PCLO: variants seen among roughly 807,000 people sequenced by gnomAD.
PCLO encodes piccolo presynaptic cytomatrix protein, also known as protein piccolo.
In PCLO, 82 loss-of-function variants were observed where a neutral mutation model predicts 427.5. The ratio of observed to expected loss-of-function variants is 0.19; its 90% confidence interval spans 0.16 to 0.23. The LOEUF is 0.23. Ranked by LOEUF, PCLO falls within the 10% of genes least tolerant of loss-of-function variation. The pLI is 1.00. For synonymous variants in PCLO, 2,357 were observed against 2,155.4 expected (o/e 1.09, Z -2.59); for missense variants, 6,239 against 6,115.9 (o/e 1.02, Z -0.67).
chr7:83,054,544 A>G (rs1326120924), intron 3 of PCLO, among the ~76,000 whole-genome samples: 1 of 152,076 alleles, frequency 6.6e-6, no homozygotes, highest in Non-Finnish European at 1.5e-5. Context: ...AACTAAAATT[A>G]TAAAGATATT....
chr7:83,040,714 A>T (rs1788953008), intron 3 of PCLO, among the ~76,000 whole-genome samples: 1 of 151,964 alleles, frequency 6.6e-6, no homozygotes, highest in African/African-American at 2.4e-5. Flanking sequence ...TTTAGGCTGA[A>T]CTTCTCCATA....
At chr7:82,820,513 A>T in intron 20 of PCLO, 1 of 1,220,482 alleles carries the variant, frequency 8.2e-7, no homozygotes, top group Non-Finnish European at 1.0e-6. Flanking sequence ...TTTATTACAC[A>T]GGCACTTGGA....
chr7:83,018,478 T>C (rs958146676), intron 3 of PCLO, among the ~76,000 whole-genome samples: 2 of 152,002 alleles, frequency 1.3e-5, no homozygotes, highest in African/African-American at 2.4e-5. Flanking sequence ...TATAGAGAGC[T>C]AAAATAATAT....
At chr7:83,054,319 A>G (rs1306931866) in intron 3 of PCLO, among the ~76,000 whole-genome samples, 1 of 152,082 alleles carries the variant, frequency 6.6e-6, no homozygotes, top group East Asian at 1.9e-4. Context: ...CTAATTCAGT[A>G]TGCCTTAATA....
chr7:82,945,363 T>A (rs2116399406), intron 6 of PCLO, among the ~76,000 whole-genome samples: 1 of 152,074 alleles, frequency 6.6e-6, no homozygotes, highest in East Asian at 1.9e-4. Flanking sequence ...TACAATATAG[T>A]GCTTGGATAT....
At chr7:83,061,412 G>C (rs1789540371) in intron 3 of PCLO, among the ~76,000 whole-genome samples, 1 of 152,104 alleles carries the variant, frequency 6.6e-6, no homozygotes, top group Non-Finnish European at 1.5e-5. Flanking sequence ...AATCTTTAAA[G>C]TCCACTAACT....
intron 3 of PCLO, among the ~76,000 whole-genome samples, chr7:83,075,887 T>C (rs987225784): frequency 6.6e-6 from 1 of 152,128 alleles, no homozygotes; most frequent in African/African-American, 2.4e-5. Flanking sequence ...TACCAGGAAA[T>C]AGGAGGTAGA....
chr7:82,992,529 C>T (rs1000513337), intron 3 of PCLO, among the ~76,000 whole-genome samples: 9 of 152,028 alleles, frequency 5.9e-5, no homozygotes, highest in Non-Finnish European at 1.3e-4. Context: ...ATTGATGCCT[C>T]ATAGTTCAAC....
At chr7:82,865,991 G>T (rs1391715485) in intron 10 of PCLO, among the ~76,000 whole-genome samples, 1 of 152,012 alleles carries the variant, frequency 6.6e-6, no homozygotes, top group Admixed American at 6.6e-5. Flanking sequence ...CCTTACAATG[G>T]CCTGCAAGAT....
intron 22 of PCLO, among the ~76,000 whole-genome samples, chr7:82,790,689 T>C (rs894774521): frequency 2.0e-5 from 3 of 152,218 alleles, no homozygotes; most frequent in African/African-American, 7.2e-5. Context: ...ACTGCATTAA[T>C]AATCTTCTGT....
rs1554333552 is a variant in PCLO, at chr7:82,794,459, C to CTGTTTTTTTTTTT, written c.15007+7058_15007+7059insAAAAAAAAAAACA. 8.1e-3 allele frequency among the ~76,000 whole-genome samples: 458 copies of CTGTTTTTTTTTTT among 56,374 alleles called. 101 individuals are homozygous for CTGTTTTTTTTTTT. The highest frequency in any genetic ancestry group is 0.019 in the Middle Eastern group (1 of 54). The allele number at this position is 56,374 out of a possible 152,430, so 37.0% of individuals were successfully genotyped here. ...ACATGCTAGTTCATAAATTTTTTTT[C>CTGTTTTTTTTTTT]TTTTTTTTTTTTTTTTTTTTTTTTT... On this transcript the variant is annotated intron_variant, in intron 22 of 24. Coordinates refer to ENST00000333891, the MANE Select transcript of PCLO (RefSeq NM_033026.6).
chr7:83,025,674 G>A (rs868298193), intron 3 of PCLO, among the ~76,000 whole-genome samples: 3,118 of 151,376 alleles, frequency 0.021, 101 homozygotes, highest in African/African-American at 0.071. Flanking sequence ...AAGTTGAAAT[G>A]AAGGAAAAAA....
intron 3 of PCLO, among the ~76,000 whole-genome samples, chr7:83,120,364 G>A (rs930354428): frequency 1.4e-5 from 2 of 138,502 alleles, no homozygotes; most frequent in Non-Finnish European, 3.0e-5. Flanking sequence ...TCATGTCACT[G>A]CACTCCAGCT....
intron 3 of PCLO, among the ~76,000 whole-genome samples, chr7:82,984,837 T>C (rs1206208412): frequency 6.6e-6 from 1 of 152,000 alleles, no homozygotes; most frequent in Non-Finnish European, 1.5e-5. Flanking sequence ...TTTGAATGAA[T>C]ATTATTTTGA....
chr7:83,033,103 A>C (rs1583935099), intron 3 of PCLO, among the ~76,000 whole-genome samples: 1 of 151,888 alleles, frequency 6.6e-6, no homozygotes. Context: ...CTTCCCCTTC[A>C]CCCTTCTGTC....
rs749778665 is a variant in PCLO at position 82,894,674 on chromosome 7, G to A, written c.13528+7977C>T. Among the ~76,000 whole-genome samples the A allele has an allele frequency of 9.2e-5, 14 of 152,124 alleles. 1 individual carries two copies. In the South Asian group the frequency reaches 2.7e-3, roughly 29 times the overall value. On this transcript the variant is annotated intron_variant, in intron 9 of 24. Coordinates refer to ENST00000333891, the MANE Select transcript of PCLO (RefSeq NM_033026.6). ...ACCATATCAAGTGGGAATCTTGGTC[G>A]TACTTGGCTTGGGCTGCTTCCATCC...
At chr7:82,887,963 G>A (rs146854373) in intron 9 of PCLO, among the ~76,000 whole-genome samples, 5,977 of 151,948 alleles carry the variant, frequency 0.039, 399 homozygotes, top group African/African-American at 0.14. Flanking sequence ...CCACTTATTC[G>A]GGAGGCTGAG....
At chr7:83,127,237 G>A (rs1198731056) in intron 3 of PCLO, among the ~76,000 whole-genome samples, 2 of 151,894 alleles carry the variant, frequency 1.3e-5, no homozygotes, top group Non-Finnish European at 2.9e-5. Flanking sequence ...GTTCACTTGA[G>A]AATGACTAAT....
At chr7:83,162,269 G>A in intron 1 of PCLO, 76 bp downstream of exon 1, 5 of 1,463,958 alleles carry the variant, frequency 3.4e-6, no homozygotes, top group South Asian at 2.7e-5. Context: ...CGCCGTGCTG[G>A]CACATACAGG....
Sources: gnomAD v4.1 joint callset for allele counts (sites outside exome capture counted in the v4.1 genomes callset) on GRCh38, gnomAD v4.1.1 for gene constraint, MANE v1.5 for transcripts, NCBI Gene and HGNC (gene_info 2026-07-23, HGNC 2026-07-21) for gene names.